CNTNAP5: variants seen among roughly 807,000 people sequenced by gnomAD.
The protein encoded by CNTNAP5 is contactin associated protein family member 5, also known as contactin-associated protein-like 5.
A neutral mutation model predicts 150.2 loss-of-function variants in CNTNAP5; 72 were observed. That is an observed-to-expected ratio of 0.48 (90% confidence interval 0.40 to 0.58). The LOEUF (loss-of-function observed/expected upper bound fraction) is 0.58. Among genes scored for constraint, CNTNAP5 ranks in the 20% least tolerant of loss-of-function variants. The probability of loss-of-function intolerance (pLI) is 0.00; values close to 1 mark genes in which losing one functional copy is unlikely to be tolerated. For synonymous variants in CNTNAP5, 672 were observed against 619.8 expected (o/e 1.08, Z -1.25); for missense variants, 1,636 against 1,626.2 (o/e 1.01, Z -0.10).
At chr2:124,293,843 G>A (rs979099788) in intron 3 of CNTNAP5, among the ~76,000 whole-genome samples, 1 of 152,058 alleles carries the variant, frequency 6.6e-6, no homozygotes, top group African/African-American at 2.4e-5. Flanking sequence ...AAGTAGGACT[G>A]GGACCAAGCA....
At chr2:124,585,179 G>T (rs993206665) in intron 11 of CNTNAP5, among the ~76,000 whole-genome samples, 10 of 152,182 alleles carry the variant, frequency 6.6e-5, no homozygotes, top group Non-Finnish European at 1.3e-4. Flanking sequence ...CTGTACAGGG[G>T]CTCAATCAGC....
In CNTNAP5 at chr2:124,124,507, G is replaced by A. The variant is rs574332084; in HGVS notation, c.83-97198G>A. 1.6e-3 allele frequency among the ~76,000 whole-genome samples: 244 copies of A among 152,304 alleles called. 2 individuals carry two copies. The highest frequency in any genetic ancestry group is 5.3e-3 in the African/African-American group (221 of 41,568). On this transcript the variant is annotated intron_variant, in intron 1 of 23. Coordinates refer to ENST00000682447, the MANE Select transcript of CNTNAP5 (RefSeq NM_001367498.1). ...ACACTCTGCAGCATATTATCCTGGAGAACTTCCCCAATCTAGCAAGGCAGG... is the reference window on the plus strand; with the variant it reads ...ACACTCTGCAGCATATTATCCTGGAAAACTTCCCCAATCTAGCAAGGCAGG...
At chr2:124,052,166 T>A (rs114071897) in intron 1 of CNTNAP5, among the ~76,000 whole-genome samples, 1,999 of 152,284 alleles carry the variant, frequency 0.013, 45 homozygotes, top group African/African-American at 0.045. Context: ...CCCACACTGG[T>A]CTGCAGATAA....
chr2:124,855,854 C>T (rs1677360377), intron 19 of CNTNAP5, among the ~76,000 whole-genome samples: 1 of 152,008 alleles, frequency 6.6e-6, no homozygotes, highest in African/African-American at 2.4e-5. Context: ...GTCTTTTATC[C>T]CTCATCCCCC....
chr2:124,031,140 TAC>T (rs35707474), intron 1 of CNTNAP5, among the ~76,000 whole-genome samples: 10 of 149,880 alleles, frequency 6.7e-5, no homozygotes, highest in Non-Finnish European at 8.9e-5. Flanking sequence ...CCGCTATACA[TAC>T]ACACACACAC....
chr2:124,847,367 T>C (rs1194657424), intron 19 of CNTNAP5, among the ~76,000 whole-genome samples: 1 of 152,070 alleles, frequency 6.6e-6, no homozygotes, highest in African/African-American at 2.4e-5. Context: ...CTCTGCTGAA[T>C]CATACAGGTC....
At chr2:124,726,294 TGG>T (rs1231015671) in intron 13 of CNTNAP5, among the ~76,000 whole-genome samples, 1 of 152,148 alleles carries the variant, frequency 6.6e-6, no homozygotes, top group African/African-American at 2.4e-5. Context: ...GAGAAGGACC[TGG>T]TAAGAGGTGA....
chr2:124,655,171 T>A (rs776296111), intron 13 of CNTNAP5, among the ~76,000 whole-genome samples: 1 of 152,002 alleles, frequency 6.6e-6, no homozygotes, highest in Non-Finnish European at 1.5e-5. Flanking sequence ...TGAGCCCCAG[T>A]GTGTGATGTT....
chr2:124,300,973 A>G lies in CNTNAP5; in HGVS notation c.381+58580A>G, dbSNP rs565038583. Among the ~76,000 whole-genome samples the G allele has an allele frequency of 3.3e-5, 5 of 152,336 alleles. No homozygotes were observed. In the South Asian group the frequency reaches 8.3e-4, roughly 25 times the overall value. ...AGAAAAATATATCCTCAAATACTTC[A>G]GTACAAAATACCACAGTGAAAAGTT... On this transcript the variant is annotated intron_variant, in intron 3 of 23. Coordinates refer to ENST00000682447, the MANE Select transcript of CNTNAP5 (RefSeq NM_001367498.1).
At position 124,322,840 on chromosome 2, in the gene CNTNAP5, C is replaced by T. The variant is rs576183852; in HGVS notation, c.381+80447C>T. On this transcript the variant is annotated intron_variant, in intron 3 of 23. Coordinates refer to ENST00000682447, the MANE Select transcript of CNTNAP5 (RefSeq NM_001367498.1). ...AGAACTACTGTCTACTTGCAGTCCTCATGCTGCCTCTCTAAAATTCAAAGA... is the reference window on the plus strand; with the variant it reads ...AGAACTACTGTCTACTTGCAGTCCTTATGCTGCCTCTCTAAAATTCAAAGA... 5.3e-5 allele frequency among the ~76,000 whole-genome samples: 8 copies of T among 152,308 alleles called. No homozygotes were observed. In the South Asian group the frequency reaches 1.7e-3, roughly 32 times the overall value.
intron 3 of CNTNAP5, among the ~76,000 whole-genome samples, chr2:124,334,396 G>T (rs1244497609): frequency 6.6e-6 from 1 of 152,150 alleles, no homozygotes; most frequent in East Asian, 1.9e-4. Flanking sequence ...TTTCAGAAAG[G>T]CCTATGGAGT....
intron 3 of CNTNAP5, among the ~76,000 whole-genome samples, chr2:124,372,894 A>T (rs914332291): frequency 6.6e-6 from 1 of 152,138 alleles, no homozygotes; most frequent in African/African-American, 2.4e-5. Context: ...GGAAGATAGT[A>T]TCAAATATGC....
intron 3 of CNTNAP5, among the ~76,000 whole-genome samples, chr2:124,310,470 G>T (rs897459630): frequency 6.6e-6 from 1 of 152,042 alleles, no homozygotes; most frequent in Non-Finnish European, 1.5e-5. Context: ...GGCTAGAATC[G>T]TAACTTCCCA....
intron 6 of CNTNAP5, among the ~76,000 whole-genome samples, chr2:124,453,259 A>G (rs996074605): frequency 3.3e-5 from 5 of 152,220 alleles, no homozygotes; most frequent in African/African-American, 1.2e-4. Flanking sequence ...CAGCAATAGA[A>G]TCAAACCAGT....
At chr2:124,240,288 C>A (rs1169658032) in intron 2 of CNTNAP5, among the ~76,000 whole-genome samples, 1 of 152,094 alleles carries the variant, frequency 6.6e-6, no homozygotes, top group African/African-American at 2.4e-5. Flanking sequence ...GTGATCTTTC[C>A]ATACTGTGAT....
At chr2:124,533,384 A>AACTTGC (rs1695156248) in intron 10 of CNTNAP5, among the ~76,000 whole-genome samples, 2 of 152,114 alleles carry the variant, frequency 1.3e-5, no homozygotes, top group African/African-American at 4.8e-5. Context: ...GGAGCCTGGA[A>AACTTGC]ATTTGCATTT....
At chr2:124,649,831 G>T (rs1349999074) in intron 13 of CNTNAP5, among the ~76,000 whole-genome samples, 1 of 152,138 alleles carries the variant, frequency 6.6e-6, no homozygotes. Flanking sequence ...GTACATAATA[G>T]GTATTCAACA....
chr2:124,032,350 CTT>C (rs1573704104), intron 1 of CNTNAP5, among the ~76,000 whole-genome samples: 1 of 151,896 alleles, frequency 6.6e-6, no homozygotes, highest in African/African-American at 2.4e-5. Context: ...GCATGAGAGT[CTT>C]TTATTTTTAA....
chr2:124,863,593 T>A (rs2104718333), intron 19 of CNTNAP5, among the ~76,000 whole-genome samples: 1 of 152,350 alleles, frequency 6.6e-6, no homozygotes, highest in East Asian at 1.9e-4. Context: ...CATTTTTCTA[T>A]TCTTAATTTA....
Sources: gnomAD v4.1 joint callset for allele counts (sites outside exome capture counted in the v4.1 genomes callset) on GRCh38, gnomAD v4.1.1 for gene constraint, MANE v1.5 for transcripts, NCBI Gene and HGNC (gene_info 2026-07-23, HGNC 2026-07-21) for gene names.